MAF: variants seen among roughly 807,000 people sequenced by gnomAD.
MAF encodes MAF bZIP transcription factor, also known as transcription factor Maf.
Under a neutral mutation model 22.0 loss-of-function variants are expected in MAF, and 10 were observed. The observed-to-expected ratio is 0.45, with a 90% CI of 0.28 to 0.77. The LOEUF (loss-of-function observed/expected upper bound fraction) is 0.77. Ranked by LOEUF, MAF falls within the 30% of genes least tolerant of loss-of-function variation. The pLI, the probability that MAF is intolerant of heterozygous loss-of-function variation, is 0.12. For synonymous variants in MAF, 337 were observed against 255.8 expected (o/e 1.32, Z -3.03); for missense variants, 544 against 548.4 (o/e 0.99, Z 0.08).
chr16:79,545,725 C>T, the MAF span, among the ~76,000 whole-genome samples: 2 of 151,932 alleles, frequency 1.3e-5, no homozygotes, highest in Non-Finnish European at 2.9e-5. Flanking sequence ...GAGAGTAGTA[C>T]GGTGGTTACC....
chr16:79,596,107 G>A lies in MAF; in HGVS notation c.1119-1554C>T, dbSNP rs946687873. Reference sequence around the variant, plus strand: ...TATGTGCGCAAGCCACCTCTGATGCGCCATATTTGTCCGGCTCCTCTGTCT... The same window carrying A: ...TATGTGCGCAAGCCACCTCTGATGCACCATATTTGTCCGGCTCCTCTGTCT... On this transcript the variant is annotated intron_variant, in intron 1 of 1. Transcript: ENST00000326043. The A allele has an allele frequency of 9.4e-6, 10 of 1,061,812 alleles. No homozygotes were observed. In the African/African-American group the frequency reaches 1.2e-4, roughly 12 times the overall value. 65.8% of individuals were successfully genotyped at this position (1,061,812 alleles called of 1,614,324 possible). A position where few individuals can be genotyped will look rare whatever the true frequency, so the allele number is the denominator to read the frequency against.
chr16:79,564,646 C>A, the MAF span, among the ~76,000 whole-genome samples: 1 of 152,166 alleles, frequency 6.6e-6, no homozygotes, highest in Non-Finnish European at 1.5e-5. Context: ...AGTGGTCCGA[C>A]CCACCCATCT....
chr16:79,288,403 G>C, the MAF span, among the ~76,000 whole-genome samples: 10 of 152,122 alleles, frequency 6.6e-5, no homozygotes, highest in East Asian at 1.9e-3. Context: ...GCTGTGAGGA[G>C]GTCCAAGCTG....
At chr16:79,461,326 C>T in the MAF span, among the ~76,000 whole-genome samples, 8 of 152,114 alleles carry the variant, frequency 5.3e-5, no homozygotes, top group African/African-American at 1.9e-4. Context: ...TTGCTTATAA[C>T]CAGTCTATTG....
chr16:79,350,416 T>C, the MAF span, among the ~76,000 whole-genome samples: 1 of 152,224 alleles, frequency 6.6e-6, no homozygotes, highest in Non-Finnish European at 1.5e-5. Context: ...CGAAATTCTA[T>C]AGCAGATAAA....
the MAF span, among the ~76,000 whole-genome samples, chr16:79,219,507 C>T: frequency 5.0e-5 from 7 of 139,028 alleles, no homozygotes; most frequent in African/African-American, 1.6e-4. Flanking sequence ...GCGGACATCG[C>T]GCCACTGCAC....
the MAF span, among the ~76,000 whole-genome samples, chr16:79,269,797 A>G: frequency 6.6e-6 from 1 of 152,132 alleles, no homozygotes; most frequent in African/African-American, 2.4e-5. Context: ...GAAGCAAAGG[A>G]ATGTAATGAA....
chr16:79,322,336 T>C, the MAF span, among the ~76,000 whole-genome samples: 2 of 152,236 alleles, frequency 1.3e-5, no homozygotes, highest in African/African-American at 4.8e-5. Context: ...AACTGGCCAT[T>C]TTGAAGGTCC....
At chr16:79,222,783 A>C in the MAF span, among the ~76,000 whole-genome samples, 1 of 152,222 alleles carries the variant, frequency 6.6e-6, no homozygotes, top group Non-Finnish European at 1.5e-5. Flanking sequence ...GAAGGGCATT[A>C]CATAATGGTA....
the MAF span, among the ~76,000 whole-genome samples, chr16:79,452,245 G>A: frequency 6.6e-6 from 1 of 152,180 alleles, no homozygotes; most frequent in African/African-American, 2.4e-5. Context: ...GACACTGGGT[G>A]TATATAAAAC....
At chr16:79,223,976 T>G in the MAF span, among the ~76,000 whole-genome samples, 1 of 152,054 alleles carries the variant, frequency 6.6e-6, no homozygotes, top group Non-Finnish European at 1.5e-5. Flanking sequence ...TTGCAAACAA[T>G]AGGAAAAGAA....
the MAF span, chr16:79,203,942 ATCT>A: frequency 5.9e-5 from 9 of 152,204 alleles, no homozygotes; most frequent in Admixed American, 1.3e-4. Flanking sequence ...CACACTAAAT[ATCT>A]TCTTTTATAT....
chr16:79,532,224 G>C, the MAF span, among the ~76,000 whole-genome samples: 2 of 152,180 alleles, frequency 1.3e-5, no homozygotes, highest in Non-Finnish European at 2.9e-5. Flanking sequence ...GTGTGGAGTA[G>C]AGACATGGCC....
At chr16:79,408,297 C>G in the MAF span, among the ~76,000 whole-genome samples, 1,460 of 152,066 alleles carry the variant, frequency 9.6e-3, 23 homozygotes, top group African/African-American at 0.034. Context: ...CTGCCTCAGC[C>G]TCTGGAGTAG....
At chr16:79,443,592 A>C in the MAF span, among the ~76,000 whole-genome samples, 2 of 152,244 alleles carry the variant, frequency 1.3e-5, no homozygotes, top group Admixed American at 1.3e-4. Flanking sequence ...TCTTATACCC[A>C]GCCATTCTCC....
At chr16:79,246,694 G>C in the MAF span, among the ~76,000 whole-genome samples, 1 of 152,166 alleles carries the variant, frequency 6.6e-6, no homozygotes, top group Non-Finnish European at 1.5e-5. Context: ...AGGTGTCTTG[G>C]AACATCAGTC....
the MAF span, among the ~76,000 whole-genome samples, chr16:79,354,111 C>T: frequency 1.3e-5 from 2 of 152,130 alleles, no homozygotes; most frequent in African/African-American, 2.4e-5. Context: ...CCCCCCAGTT[C>T]AGCCTCCCAA....
At chr16:79,376,634 G>A in the MAF span, among the ~76,000 whole-genome samples, 9 of 151,952 alleles carry the variant, frequency 5.9e-5, no homozygotes, top group South Asian at 2.1e-4. Context: ...CCATTAACTC[G>A]TCATTTAGCA....
At chr16:79,288,567 A>G in the MAF span, among the ~76,000 whole-genome samples, 6 of 152,328 alleles carry the variant, frequency 3.9e-5, no homozygotes, top group African/African-American at 1.4e-4. Context: ...ATTTTGAGAT[A>G]CAGTAATAAT....
Sources: allele counts gnomAD v4.1 joint callset (sites outside exome capture counted in the v4.1 genomes callset), GRCh38; gene constraint gnomAD v4.1.1; transcripts MANE v1.5; gene names NCBI Gene and HGNC (gene_info 2026-07-23, HGNC 2026-07-21).